Variants in PLPPR5 observed in about 807,000 individuals in gnomAD.
PLPPR5 encodes phospholipid phosphatase related 5.
A neutral mutation model predicts 33.9 loss-of-function variants in PLPPR5; 16 were observed. The ratio of observed to expected loss-of-function variants is 0.47; its 90% CI spans 0.32 to 0.72. The LOEUF (loss-of-function observed/expected upper bound fraction) is 0.72. Ranked by LOEUF, PLPPR5 falls within the 30% of genes least tolerant of loss-of-function variation. The probability of loss-of-function intolerance (pLI) is 0.03; values close to 1 mark genes in which losing one functional copy is unlikely to be tolerated. For missense variants in PLPPR5, 301 were observed against 406.7 expected (o/e 0.74, Z 2.23); for synonymous variants, 163 against 150.3 (o/e 1.08, Z -0.62).
intron 1 of PLPPR5, among the ~76,000 whole-genome samples, chr1:98,960,292 C>T (rs151222131): frequency 0.01 from 1,597 of 152,096 alleles, 13 homozygotes; most frequent in Middle Eastern, 0.027. Flanking sequence ...CAACCTCCTC[C>T]TTCCAGGTTC....
At chr1:98,999,821 G>A (rs142287636) in intron 1 of PLPPR5, among the ~76,000 whole-genome samples, 51 of 152,270 alleles carry the variant, frequency 3.3e-4, no homozygotes, top group African/African-American at 9.6e-4. Context: ...CTGAGTCTCC[G>A]GGTCCAGAGG....
At chr1:98,984,550 TC>T (rs1237384486) in intron 1 of PLPPR5, among the ~76,000 whole-genome samples, 1 of 152,052 alleles carries the variant, frequency 6.6e-6, no homozygotes, top group Non-Finnish European at 1.5e-5. Flanking sequence ...TTGAGGACTC[TC>T]AAATTAAGCC....
At chr1:98,961,526 T>A (rs537973005) in intron 1 of PLPPR5, among the ~76,000 whole-genome samples, 2 of 152,330 alleles carry the variant, frequency 1.3e-5, no homozygotes, top group African/African-American at 4.8e-5. Flanking sequence ...ACAATAGCAA[T>A]GTCGCTATTA....
intron 1 of PLPPR5, among the ~76,000 whole-genome samples, chr1:98,958,237 A>G (rs1293890074): frequency 4.6e-5 from 7 of 152,246 alleles, no homozygotes. Flanking sequence ...CTCTATGAAA[A>G]GTAGTATCTA....
In PLPPR5 at chr1:98,990,414, CA is replaced by C. The variant is rs560205732; in HGVS notation, c.237+14020del. On this transcript the variant is annotated intron_variant, in intron 1 of 5. Coordinates refer to ENST00000263177, the MANE Select transcript of PLPPR5 (RefSeq NM_001037317.2). ...ACAAAAAACAAAAAAAGAAAAAGCACATACCATACTATATAAATGCTTAAGT... is the reference window on the plus strand; with the variant it reads ...ACAAAAAACAAAAAAAGAAAAAGCACTACCATACTATATAAATGCTTAAGT... Among the ~76,000 whole-genome samples the C allele has an allele frequency of 7.8e-3, 1,182 of 152,014 alleles. 6 individuals are homozygous for C. The highest frequency in any genetic ancestry group is 0.012 in the Non-Finnish European group (845 of 67,920).
intron 5 of PLPPR5, among the ~76,000 whole-genome samples, chr1:98,911,170 A>C (rs1486356801): frequency 6.6e-6 from 1 of 152,196 alleles, no homozygotes; most frequent in East Asian, 1.9e-4. Flanking sequence ...AGGGGACAGA[A>C]CTTGCACTGT....
At chr1:99,001,192 T>C (rs1158411777) in intron 1 of PLPPR5, among the ~76,000 whole-genome samples, 1 of 150,172 alleles carries the variant, frequency 6.7e-6, no homozygotes, top group Non-Finnish European at 1.5e-5. Context: ...TGGAGTGCAG[T>C]GGCATGATCT....
chr1:98,951,985 G>A (rs113882857), intron 3 of PLPPR5, among the ~76,000 whole-genome samples: 2,357 of 152,238 alleles, frequency 0.015, 18 homozygotes, highest in African/African-American at 0.018. Flanking sequence ...TGATCTGGCC[G>A]GGTGCAGCAG....
intron 5 of PLPPR5, among the ~76,000 whole-genome samples, chr1:98,903,321 T>C (rs1379257548): frequency 6.6e-6 from 1 of 152,150 alleles, no homozygotes; most frequent in East Asian, 1.9e-4. Context: ...ATAACATTTA[T>C]ATTACAGTTC....
chr1:98,926,079 A>G (rs1649748277), intron 3 of PLPPR5, among the ~76,000 whole-genome samples: 1 of 152,024 alleles, frequency 6.6e-6, no homozygotes, highest in Non-Finnish European at 1.5e-5. Context: ...GACATCCACT[A>G]ATTGTTTATT....
At chr1:98,931,669 G>T (rs907094812) in intron 3 of PLPPR5, among the ~76,000 whole-genome samples, 1 of 152,096 alleles carries the variant, frequency 6.6e-6, no homozygotes. Flanking sequence ...ATGACTCAGT[G>T]TGTCAGTCTG....
chr1:98,915,848 T>G (rs1299615679), intron 4 of PLPPR5, among the ~76,000 whole-genome samples: 1 of 152,176 alleles, frequency 6.6e-6, no homozygotes, highest in Non-Finnish European at 1.5e-5. Context: ...GAATCATATT[T>G]AAGAAATAAT....
intron 5 of PLPPR5, among the ~76,000 whole-genome samples, chr1:98,911,907 A>C (rs571574842): frequency 6.6e-6 from 1 of 152,124 alleles, no homozygotes; most frequent in Non-Finnish European, 1.5e-5. Context: ...CTACAGGCAC[A>C]TGCCACCGCA....
chr1:98,928,312 A>G (rs185618046), intron 3 of PLPPR5, among the ~76,000 whole-genome samples: 2,054 of 152,090 alleles, frequency 0.014, 17 homozygotes, highest in Middle Eastern at 0.017. Flanking sequence ...TTATATCTAA[A>G]TACAGAATAA....
At position 98,953,247 on chromosome 1, in the gene PLPPR5, G is replaced by A. The variant is rs1243633351; in HGVS notation, c.444C>T (p.Ala148=). Residue 148 remains alanine, a synonymous_variant, in exon 3 of 6, where the codon GCC becomes GCT. Coordinates refer to ENST00000263177, the MANE Select transcript of PLPPR5 (RefSeq NM_001037317.2). ...GCTTACACAGGGCAAGGAAATGTGG[G>A]GCCAGATTTCCTGTGACTACTTGTC... ...NAGQVVTGNL[A]PHFLALCKPN... is the part of the protein sequence containing the mutation. The A allele has an allele frequency of 2.5e-6, 4 of 1,613,778 alleles. No homozygotes were observed. The highest frequency in any genetic ancestry group is 2.2e-5 in the East Asian group (1 of 44,870).
chr1:98,943,416 G>GGGTC (rs1650450085), intron 3 of PLPPR5, among the ~76,000 whole-genome samples: 1 of 152,134 alleles, frequency 6.6e-6, no homozygotes, highest in African/African-American at 2.4e-5. Context: ...ACTGGACACA[G>GGGTC]GGTCTGTGTA....
intron 1 of PLPPR5, among the ~76,000 whole-genome samples, chr1:98,965,444 C>A (rs1329708231): frequency 6.6e-6 from 1 of 152,206 alleles, no homozygotes; most frequent in East Asian, 1.9e-4. Flanking sequence ...AACTAAGTCT[C>A]CATCATGTCT....
At chr1:98,995,192 A>C (rs1202129038) in intron 1 of PLPPR5, among the ~76,000 whole-genome samples, 1 of 152,130 alleles carries the variant, frequency 6.6e-6, no homozygotes, top group Non-Finnish European at 1.5e-5. Flanking sequence ...TATCATAAAG[A>C]CATATGCACA....
chr1:98,975,695 A>C (rs1651824160), intron 1 of PLPPR5, among the ~76,000 whole-genome samples: 1 of 152,028 alleles, frequency 6.6e-6, no homozygotes, highest in Admixed American at 6.6e-5. Flanking sequence ...GGACCCATAC[A>C]CATGAACATA....
Sources: gnomAD v4.1 joint callset for allele counts (sites outside exome capture counted in the v4.1 genomes callset) on GRCh38, gnomAD v4.1.1 for gene constraint, MANE v1.5 for transcripts, NCBI Gene and HGNC (gene_info 2026-07-23, HGNC 2026-07-21) for gene names.